DCC: variants seen among roughly 807,000 people sequenced by gnomAD.
DCC encodes DCC netrin 1 receptor.
DCC carries 58 observed loss-of-function variants against 172.5 expected under a neutral mutation model. The ratio of observed to expected loss-of-function variants is 0.34; its 90% confidence interval spans 0.27 to 0.42. DCC has a LOEUF of 0.42. DCC is among the 10% of genes least tolerant of loss of function. DCC has a pLI of 1.00. For missense variants in DCC, 1,740 were observed against 1,791.0 expected (o/e 0.97, Z 0.51); for synonymous variants, 709 against 644.5 (o/e 1.10, Z -1.52).
chr18:52,450,169 A>G (rs1173630053), intron 1 of DCC, among the ~76,000 whole-genome samples: 1 of 152,220 alleles, frequency 6.6e-6, no homozygotes, highest in Non-Finnish European at 1.5e-5. Context: ...GTGATATTTC[A>G]GGAATGTTCG....
chr18:52,986,869 T>A (rs1288385738), intron 5 of DCC, among the ~76,000 whole-genome samples: 1 of 150,056 alleles, frequency 6.7e-6, no homozygotes, highest in Non-Finnish European at 1.5e-5. Flanking sequence ...AACAGACATA[T>A]ATATGCGCAG....
At chr18:52,506,909 A>G (rs1696068477) in intron 1 of DCC, among the ~76,000 whole-genome samples, 2 of 152,180 alleles carry the variant, frequency 1.3e-5, no homozygotes, top group Admixed American at 1.3e-4. Flanking sequence ...TGATAGTTGT[A>G]GCATTGATAT....
chr18:53,292,468 C>T (rs992825403), intron 12 of DCC, among the ~76,000 whole-genome samples: 2 of 152,152 alleles, frequency 1.3e-5, no homozygotes, highest in Non-Finnish European at 2.9e-5. Context: ...GGGCAGATCA[C>T]CTGAGGTCAG....
chr18:53,316,665 A>G (rs913800081), intron 13 of DCC, among the ~76,000 whole-genome samples: 6 of 152,094 alleles, frequency 3.9e-5, no homozygotes, highest in Admixed American at 3.3e-4. Context: ...CCTTGAAGAC[A>G]CCCTTCACAT....
In DCC at chr18:53,402,200, G is replaced by A. The variant is rs117750077; in HGVS notation, c.2828-586G>A. 7.2e-3 allele frequency among the ~76,000 whole-genome samples: 1,100 copies of A among 152,028 alleles called. 16 individuals are homozygous for A. The highest frequency in any genetic ancestry group is 0.026 in the Admixed American group (399 of 15,270). On this transcript the variant is annotated intron_variant, in intron 18 of 28. Transcript: ENST00000442544. ...CTGAAGACATGTAATCATCCAGCGT[G>A]GCAACATAGACCCATCTCTACAAAA... is the stretch of plus-strand genomic sequence containing the variant.
intron 7 of DCC, among the ~76,000 whole-genome samples, chr18:53,091,326 A>AATAT (rs962628245): frequency 1.4e-5 from 2 of 147,358 alleles, no homozygotes. Context: ...CGTTCTACCA[A>AATAT]ATATATATAT....
At chr18:52,419,497 T>A (rs146998980) in intron 1 of DCC, 1 of 152,292 alleles carries the variant, frequency 6.6e-6, no homozygotes, top group East Asian at 1.9e-4. Flanking sequence ...TTGGCTACAG[T>A]CATGTGTTTG....
intron 2 of DCC, among the ~76,000 whole-genome samples, chr18:52,880,340 G>A (rs1020876528): frequency 2.0e-5 from 3 of 152,084 alleles, no homozygotes; most frequent in African/African-American, 7.2e-5. Flanking sequence ...TAGAGATGTG[G>A]TTTCACCATG....
chr18:52,544,455 T>TTTCTTTCTTTC lies in DCC; in HGVS notation c.91+203579_91+203580insCTTTCTTTCTT, dbSNP rs375809690. On this transcript the variant is annotated intron_variant, in intron 1 of 28. Transcript: ENST00000442544. ...TCTGTTTTTCTTTCTTTCTTTCTTT[T>TTTCTTTCTTTC]TTTTTTTTGTGGCACCACAAGACAT... Among the ~76,000 whole-genome samples the TTTCTTTCTTTC allele has an allele frequency of 3.3e-5, 5 of 150,378 alleles. No homozygotes were observed. In the East Asian group the frequency reaches 9.8e-4, roughly 29 times the overall value.
At chr18:53,309,314 T>C (rs939970245) in intron 13 of DCC, among the ~76,000 whole-genome samples, 5 of 152,152 alleles carry the variant, frequency 3.3e-5, no homozygotes, top group African/African-American at 1.2e-4. Flanking sequence ...GCTAGGATTA[T>C]AGGCATAAGA....
intron 15 of DCC, among the ~76,000 whole-genome samples, chr18:53,361,216 C>A (rs995387357): frequency 3.3e-5 from 5 of 152,052 alleles, no homozygotes; most frequent in African/African-American, 1.2e-4. Flanking sequence ...AGGGACCGTG[C>A]GGCCCTGCTG....
chr18:53,463,129 G>A (rs1364382774), intron 24 of DCC, among the ~76,000 whole-genome samples: 2 of 152,178 alleles, frequency 1.3e-5, no homozygotes, highest in Non-Finnish European at 2.9e-5. Flanking sequence ...ATCAGGGAGG[G>A]GAGAGCACCT....
chr18:52,985,689 A>G (rs1297638129), intron 5 of DCC, among the ~76,000 whole-genome samples: 1 of 151,482 alleles, frequency 6.6e-6, no homozygotes, highest in Non-Finnish European at 1.5e-5. Context: ...CCTTAAAACC[A>G]TTATTAGATA....
intron 25 of DCC, among the ~76,000 whole-genome samples, chr18:53,483,475 G>A (rs529958799): frequency 6.6e-6 from 1 of 151,788 alleles, no homozygotes; most frequent in Non-Finnish European, 1.5e-5. Flanking sequence ...AAATACCATA[G>A]TAGTTTGATA....
At chr18:52,991,495 T>G (rs1372727202) in intron 5 of DCC, among the ~76,000 whole-genome samples, 1 of 152,148 alleles carries the variant, frequency 6.6e-6, no homozygotes, top group Admixed American at 6.5e-5. Context: ...CTCTAAGTGG[T>G]TTATTCTGCC....
intron 17 of DCC, among the ~76,000 whole-genome samples, chr18:53,394,870 A>T (rs1024422803): frequency 6.6e-6 from 1 of 152,166 alleles, no homozygotes; most frequent in African/African-American, 2.4e-5. Flanking sequence ...GGCTGGGCTC[A>T]GTGGTTCACA....
At chr18:53,048,967 C>T (rs1229485988) in intron 5 of DCC, among the ~76,000 whole-genome samples, 1 of 151,924 alleles carries the variant, frequency 6.6e-6, no homozygotes, top group Non-Finnish European at 1.5e-5. Flanking sequence ...TTCTTGTTGA[C>T]TGTATGTATG....
intron 5 of DCC, among the ~76,000 whole-genome samples, chr18:52,984,934 T>A (rs1057440452): frequency 3.9e-5 from 6 of 152,144 alleles, no homozygotes; most frequent in African/African-American, 1.4e-4. Context: ...AAAATGACAT[T>A]TTATTGTCTT....
chr18:53,083,796 G>A (rs2042838851), intron 7 of DCC, among the ~76,000 whole-genome samples: 1 of 152,098 alleles, frequency 6.6e-6, no homozygotes, highest in African/African-American at 2.4e-5. Context: ...TCAAAGTTTT[G>A]GGGATAAAAT....
Sources: gnomAD v4.1 joint callset for allele counts (sites outside exome capture counted in the v4.1 genomes callset) on GRCh38, gnomAD v4.1.1 for gene constraint, MANE v1.5 for transcripts, NCBI Gene and HGNC (gene_info 2026-07-23, HGNC 2026-07-21) for gene names.